DPH6: variants seen among roughly 807,000 people sequenced by gnomAD.
DPH6 encodes diphthine--ammonia ligase.
A neutral mutation model predicts 38.2 loss-of-function variants in DPH6; 33 were observed. The observed-to-expected ratio is 0.86, with a 90% CI of 0.65 to 1.15. The LOEUF is 1.15. Among genes scored for constraint, DPH6 ranks in the 50% most tolerant of loss-of-function variants. DPH6 has a pLI of 0.00. For synonymous variants in DPH6, 108 were observed against 103.0 expected (o/e 1.05, Z -0.30); for missense variants, 325 against 320.0 (o/e 1.02, Z -0.12).
chr15:35,298,703 T>C, intron 3 of DPH6: 1 of 1,580,138 alleles, frequency 6.3e-7, no homozygotes, highest in Non-Finnish European at 8.7e-7. Flanking sequence ...ACCCTGGCCC[T>C]CCCGGAAGCC....
chr15:35,418,807 T>A (rs2053467554), intron 5 of DPH6, among the ~76,000 whole-genome samples: 1 of 152,058 alleles, frequency 6.6e-6, no homozygotes, highest in Admixed American at 6.6e-5. Context: ...TGGAGGTTTA[T>A]CTCTTCAGTA....
chr15:35,336,047 T>C (rs1267307834), intron 3 of DPH6, among the ~76,000 whole-genome samples: 2 of 151,556 alleles, frequency 1.3e-5, no homozygotes, highest in African/African-American at 4.8e-5. Context: ...TGTCCTCTGA[T>C]TTCTTTGAGC....
intron 3 of DPH6, among the ~76,000 whole-genome samples, chr15:35,274,375 A>G (rs1420551154): frequency 6.6e-6 from 1 of 152,202 alleles, no homozygotes; most frequent in East Asian, 1.9e-4. Context: ...CAATTGCAAC[A>G]AAAACCAAAA....
At chr15:35,445,976 T>A (rs2053846976) in intron 5 of DPH6, among the ~76,000 whole-genome samples, 1 of 152,156 alleles carries the variant, frequency 6.6e-6, no homozygotes, top group Non-Finnish European at 1.5e-5. Context: ...GTGTTTAGCG[T>A]AAATACTGTA....
At chr15:35,320,138 T>C (rs1016833700) in intron 3 of DPH6, among the ~76,000 whole-genome samples, 1 of 152,192 alleles carries the variant, frequency 6.6e-6, no homozygotes, top group African/African-American at 2.4e-5. Flanking sequence ...TCAGATATAT[T>C]ATCTGCTTGA....
intron 3 of DPH6, among the ~76,000 whole-genome samples, chr15:35,337,643 G>T (rs1462784031): frequency 6.6e-6 from 1 of 152,092 alleles, no homozygotes; most frequent in East Asian, 1.9e-4. Context: ...TCCCCATCAA[G>T]CTACCAATGA....
chr15:35,374,382 A>G (rs2052753038), intron 7 of DPH6, among the ~76,000 whole-genome samples: 1 of 152,148 alleles, frequency 6.6e-6, no homozygotes, highest in Non-Finnish European at 1.5e-5. Flanking sequence ...TTATATTAAT[A>G]GTTAGCATTT....
At chr15:35,473,881 A>G (rs2054227454) in intron 3 of DPH6, among the ~76,000 whole-genome samples, 1 of 151,996 alleles carries the variant, frequency 6.6e-6, no homozygotes, top group Non-Finnish European at 1.5e-5. Flanking sequence ...GATACATTAT[A>G]CAAAAAAGGC....
chr15:35,238,670 T>C (rs1595441135), intron 3 of DPH6, among the ~76,000 whole-genome samples: 2 of 152,342 alleles, frequency 1.3e-5, no homozygotes, highest in East Asian at 3.9e-4. Context: ...GCATCCCCTG[T>C]GATTTGCACA....
At chr15:35,529,289 C>T (rs1263863395) in intron 3 of DPH6, among the ~76,000 whole-genome samples, 1 of 152,154 alleles carries the variant, frequency 6.6e-6, no homozygotes, top group East Asian at 1.9e-4. Flanking sequence ...GAAAGAAAAG[C>T]AAGCACATCT....
chr15:35,231,739 C>A (rs951409414), intron 3 of DPH6, among the ~76,000 whole-genome samples: 1 of 152,122 alleles, frequency 6.6e-6, no homozygotes, highest in Non-Finnish European at 1.5e-5. Context: ...AGCATCGGCT[C>A]GGCTTCTGGT....
At chr15:35,165,889 A>C in the DPH6 span, among the ~76,000 whole-genome samples, 1 of 151,972 alleles carries the variant, frequency 6.6e-6, no homozygotes, top group Non-Finnish European at 1.5e-5. Flanking sequence ...ATTCTCAGCT[A>C]TCAATACAAT....
chr15:35,289,548 T>G (rs2051966029), intron 3 of DPH6, among the ~76,000 whole-genome samples: 1 of 152,186 alleles, frequency 6.6e-6, no homozygotes, highest in Non-Finnish European at 1.5e-5. Context: ...ATGAAAAGAT[T>G]GAAAGAATCT....
chr15:35,182,783 G>A, the DPH6 span, among the ~76,000 whole-genome samples: 1 of 152,068 alleles, frequency 6.6e-6, no homozygotes, highest in East Asian at 1.9e-4. Context: ...ACAAGAAATT[G>A]GGTATAGGAA....
At chr15:35,396,084 G>C (rs1213312894) in intron 6 of DPH6, 1 of 152,132 alleles carries the variant, frequency 6.6e-6, no homozygotes, top group Non-Finnish European at 1.5e-5. Flanking sequence ...ACTACTGCCA[G>C]TTACGCTACT....
intron 3 of DPH6, among the ~76,000 whole-genome samples, chr15:35,500,303 C>T (rs1360665562): frequency 6.6e-6 from 1 of 152,134 alleles, no homozygotes; most frequent in East Asian, 1.9e-4. Flanking sequence ...CACGCTGATA[C>T]AGTCAATGAA....
intron 5 of DPH6, among the ~76,000 whole-genome samples, chr15:35,439,391 C>T (rs78017220): frequency 0.061 from 9,296 of 152,252 alleles, 397 homozygotes; most frequent in Non-Finnish European, 0.089. Flanking sequence ...TTTCTCTCTG[C>T]CTGGCTTCTC....
chr15:35,469,695 T>C (rs1222118959), intron 3 of DPH6, among the ~76,000 whole-genome samples: 3 of 152,120 alleles, frequency 2.0e-5, no homozygotes, highest in African/African-American at 7.2e-5. Context: ...TTTAGGTCAT[T>C]CAATGCAAGG....
chr15:35,212,196 C>G, the DPH6 span, among the ~76,000 whole-genome samples: 1 of 152,016 alleles, frequency 6.6e-6, no homozygotes, highest in Non-Finnish European at 1.5e-5. Context: ...GTTTTTGGCT[C>G]CAATTCAGTG....
Sources: allele counts gnomAD v4.1 joint callset (sites outside exome capture counted in the v4.1 genomes callset), GRCh38; gene constraint gnomAD v4.1.1; transcripts MANE v1.5; gene names NCBI Gene and HGNC (gene_info 2026-07-23, HGNC 2026-07-21).